The following STK32B variants were observed in gnomAD, a reference collection of about 807,000 sequenced individuals.
The protein encoded by STK32B is serine/threonine-protein kinase 32B.
A neutral mutation model predicts 52.6 loss-of-function variants in STK32B; 43 were observed. That is an observed-to-expected ratio of 0.82 (90% CI 0.64 to 1.05). The LOEUF is 1.05. STK32B is among the 50% of genes least tolerant of loss of function. STK32B has a pLI of 0.00. For synonymous variants in STK32B, 238 were observed against 204.3 expected, an observed-to-expected ratio of 1.17 and a Z score of -1.41; for missense variants, 621 against 534.6, an observed-to-expected ratio of 1.16 and a Z score of -1.59.
intron 11 of STK32B, among the ~76,000 whole-genome samples, chr4:5,480,479 A>G (rs1183534874): frequency 1.3e-5 from 2 of 152,190 alleles, no homozygotes; most frequent in African/African-American, 4.8e-5. Flanking sequence ...CTATAGGTAA[A>G]TTTAAACATT....
At chr4:5,035,641 T>C in the STK32B span, among the ~76,000 whole-genome samples, 2 of 151,784 alleles carry the variant, frequency 1.3e-5, no homozygotes, top group Admixed American at 6.6e-5. Context: ...GAGACTGACA[T>C]TGGAGGCTGG....
chr4:5,131,722 C>T (rs948785981), intron 1 of STK32B, among the ~76,000 whole-genome samples: 1 of 152,220 alleles, frequency 6.6e-6, no homozygotes, highest in African/African-American at 2.4e-5. Flanking sequence ...ATCAGCATGG[C>T]ATCTTCTGTC....
intron 3 of STK32B, among the ~76,000 whole-genome samples, chr4:5,184,712 A>AG (rs1267182567): frequency 6.6e-6 from 1 of 151,638 alleles, no homozygotes; most frequent in Non-Finnish European, 1.5e-5. Context: ...AAGAAGAAGA[A>AG]AAAGAAAACA....
intron 3 of STK32B, among the ~76,000 whole-genome samples, chr4:5,259,750 T>C (rs1017047021): frequency 6.6e-5 from 10 of 152,160 alleles, no homozygotes; most frequent in Admixed American, 5.9e-4. Context: ...GGCCCAACTC[T>C]TCCTTTAACA....
chr4:5,116,353 T>C (rs531802820), intron 1 of STK32B, among the ~76,000 whole-genome samples: 1 of 152,326 alleles, frequency 6.6e-6, no homozygotes, highest in East Asian at 1.9e-4. Context: ...TAATTTGTTG[T>C]CGTTGTACAT....
chr4:5,342,023 G>A (rs1472514637), intron 4 of STK32B, among the ~76,000 whole-genome samples: 1 of 152,088 alleles, frequency 6.6e-6, no homozygotes, highest in Non-Finnish European at 1.5e-5. Flanking sequence ...AGGCCCCAGT[G>A]TGTGATGGCA....
intron 3 of STK32B, among the ~76,000 whole-genome samples, chr4:5,283,691 C>T (rs1407771086): frequency 1.3e-5 from 2 of 152,144 alleles, no homozygotes; most frequent in Admixed American, 6.6e-5. Flanking sequence ...ATGATATATT[C>T]AACGTGCTGA....
chr4:5,144,662 C>T (rs953929212), intron 2 of STK32B, among the ~76,000 whole-genome samples: 1 of 152,132 alleles, frequency 6.6e-6, no homozygotes, highest in African/African-American at 2.4e-5. Context: ...CAGCTCTGGG[C>T]TTAGCACTGA....
intron 1 of STK32B, 102 bp from the exon 2 acceptor site, chr4:5,139,803 G>C (rs1716293548): frequency 7.4e-7 from 1 of 1,356,158 alleles, no homozygotes; most frequent in Non-Finnish European, 1.1e-6. Flanking sequence ...CCTGACCCAA[G>C]AGCCTTTGGA....
chr4:5,382,546 T>A (rs1735999690), intron 4 of STK32B, among the ~76,000 whole-genome samples: 1 of 151,860 alleles, frequency 6.6e-6, no homozygotes, highest in Admixed American at 6.6e-5. Context: ...CCCTGGTCCC[T>A]CTCTGTGGTC....
intron 1 of STK32B, among the ~76,000 whole-genome samples, chr4:5,073,171 T>C (rs1369265772): frequency 6.6e-6 from 1 of 152,112 alleles, no homozygotes; most frequent in East Asian, 1.9e-4. Context: ...ATTGATGTGG[T>C]CAGATTTAAT....
At chr4:5,496,070 C>T (rs1030246594) in intron 11 of STK32B, among the ~76,000 whole-genome samples, 4 of 152,216 alleles carry the variant, frequency 2.6e-5, no homozygotes, top group Non-Finnish European at 4.4e-5. Flanking sequence ...TCTCAGATCT[C>T]CAGCTGCATG....
At chr4:5,023,917 G>T in the STK32B span, among the ~76,000 whole-genome samples, 1 of 152,196 alleles carries the variant, frequency 6.6e-6, no homozygotes, top group Non-Finnish European at 1.5e-5. Context: ...GTCAGAATGA[G>T]GCTATCAGTT....
At chr4:5,230,829 CA>C (rs1262087508) in intron 3 of STK32B, among the ~76,000 whole-genome samples, 1 of 152,136 alleles carries the variant, frequency 6.6e-6, no homozygotes, top group East Asian at 1.9e-4. Context: ...TTTCCCAGAA[CA>C]AGAGGGGGTA....
intron 3 of STK32B, among the ~76,000 whole-genome samples, chr4:5,304,409 C>G (rs1166652424): frequency 7.0e-6 from 1 of 141,938 alleles, no homozygotes; most frequent in African/African-American, 2.8e-5. Context: ...AGGTACAGTT[C>G]TAAGTATTTT....
intron 8 of STK32B, among the ~76,000 whole-genome samples, chr4:5,459,059 C>T (rs527243702): frequency 6.6e-6 from 1 of 152,228 alleles, no homozygotes; most frequent in Admixed American, 6.5e-5. Flanking sequence ...CAGTGAACTT[C>T]CACATGGTAT....
intron 1 of STK32B, among the ~76,000 whole-genome samples, chr4:5,101,875 C>T (rs1478093028): frequency 6.6e-6 from 1 of 152,150 alleles, no homozygotes; most frequent in Non-Finnish European, 1.5e-5. Flanking sequence ...TAGTTAAAAT[C>T]CAGGCCTTCA....
intron 6 of STK32B, among the ~76,000 whole-genome samples, chr4:5,440,503 G>T (rs1577502121): frequency 1.3e-5 from 2 of 152,022 alleles, no homozygotes; most frequent in Non-Finnish European, 2.9e-5. Context: ...GGAGATTTTG[G>T]GCTGAGACAA....
chr4:5,061,556 A>G (rs1285747684), intron 1 of STK32B, among the ~76,000 whole-genome samples: 1 of 152,208 alleles, frequency 6.6e-6, no homozygotes, highest in Non-Finnish European at 1.5e-5. Context: ...AGGAAATAGT[A>G]TAGAGATAAT....
Sources: gnomAD v4.1 joint callset for allele counts (sites outside exome capture counted in the v4.1 genomes callset) on GRCh38, gnomAD v4.1.1 for gene constraint, MANE v1.5 for transcripts, NCBI Gene and HGNC (gene_info 2026-07-23, HGNC 2026-07-21) for gene names.